METTL2A: variants seen among roughly 807,000 people sequenced by gnomAD.
The protein encoded by METTL2A is methyltransferase 2A, tRNA N3-cytidine, also known as tRNA N(3)-cytidine methyltransferase METTL2A.
METTL2A carries 45 observed loss-of-function variants against 49.4 expected under a neutral mutation model. The observed-to-expected ratio is 0.91, with a 90% CI of 0.72 to 1.17. The LOEUF is 1.17. METTL2A is among the 50% of genes most tolerant of loss of function. The probability of loss-of-function intolerance (pLI) is 0.00; values close to 1 mark genes in which losing one functional copy is unlikely to be tolerated. For missense variants in METTL2A, 361 were observed against 462.2 expected (o/e 0.78, Z 2.01); for synonymous variants, 118 against 167.5 (o/e 0.70, Z 2.28).
chr17:62,429,038 G>T (rs9906419), intron 4 of METTL2A, among the ~76,000 whole-genome samples: 1 of 152,084 alleles, frequency 6.6e-6, no homozygotes, highest in East Asian at 1.9e-4. Flanking sequence ...CTCTTGCCTC[G>T]GCCTCCCAAA....
intron 4 of METTL2A, 165 bp from the exon 5 acceptor site, chr17:62,435,067 A>C: frequency 1.8e-6 from 2 of 1,083,182 alleles, no homozygotes; most frequent in African/African-American, 1.6e-5. Flanking sequence ...GATATAATTC[A>C]AAAGGGATTT....
At position 62,444,837 on chromosome 17, in the gene METTL2A, G is replaced by T. The variant is rs1426661149; in HGVS notation, c.810G>T (p.Lys270Asn). ...ACCGTCATTCCCTGCTGCTCCACAGGATGCAGAAGGCTATCAACAGGCTGA... is the reference window on the plus strand; with the variant it reads ...ACCGTCATTCCCTGCTGCTCCACAGTATGCAGAAGGCTATCAACAGGCTGA... Reference protein sequence around the residue: ...IFVLSAIVPDKMQKAINRLSR... With the variant: ...IFVLSAIVPDNMQKAINRLSR... Residue 270 changes from lysine to asparagine, a missense_variant and splice_region_variant, in exon 7 of 9, where the codon AAG (lysine) becomes AAT (asparagine). Lys to Asn is a moderately conservative substitution (Grantham distance 94). Transcript: ENST00000311506. 6.2e-7 allele frequency: 1 copy of T among 1,613,780 alleles called. No homozygotes were observed. Among genetic ancestry groups the T allele is most frequent in the Non-Finnish European group, 8.5e-7 (1 of 1,179,858 alleles).
rs758646439 is a variant in METTL2A at position 62,424,298 on chromosome 17, C to A, written c.190C>A (p.Gln64Lys). The change falls in exon 2 of 9, where the codon CAG (glutamine) becomes AAG (lysine). Residue 64 changes from glutamine to lysine, a missense_variant. Gln to Lys is a moderately conservative substitution (Grantham distance 53, BLOSUM62 1). Around this residue, in one of 3 missense-constraint regions of METTL2A, gnomAD observed 150 missense variants for 170.1 expected, o/e 0.88. Coordinates refer to ENST00000311506, the MANE Select transcript of METTL2A (RefSeq NM_181725.4). ...VQENSIQRVC[Q>K]EKQVDYEINA... ...GGAGAACAGTATCCAGCGGGTGTGC[C>A]AGGAGAAACAAGGTGCGCTTAAATG... 23 of 1,613,804 alleles carry A rather than the reference C, an allele frequency of 1.4e-5. 1 individual carries two copies. In the Admixed American group the frequency reaches 3.8e-4, roughly 27 times the overall value.
intron 6 of METTL2A, among the ~76,000 whole-genome samples, 197 bp downstream of exon 6, chr17:62,440,953 G>T (rs1469921944): frequency 6.6e-6 from 1 of 152,104 alleles, no homozygotes. Flanking sequence ...CCACAGGCAC[G>T]TGCCACCAGT....
At chr17:62,424,659 T>C (rs1289280696) in intron 2 of METTL2A, among the ~76,000 whole-genome samples, 1 of 152,112 alleles carries the variant, frequency 6.6e-6, no homozygotes, top group Non-Finnish European at 1.5e-5. Flanking sequence ...GCATTTTCCA[T>C]GAGGAGATGT....
chr17:62,445,992 A>G (rs1237784457), intron 7 of METTL2A, among the ~76,000 whole-genome samples: 1 of 152,148 alleles, frequency 6.6e-6, no homozygotes, highest in African/African-American at 2.4e-5. Flanking sequence ...TGACCCACCC[A>G]AAAAACAGGC....
At chr17:62,434,038 A>C (rs1240560354) in intron 4 of METTL2A, among the ~76,000 whole-genome samples, 1 of 152,168 alleles carries the variant, frequency 6.6e-6, no homozygotes, top group Admixed American at 6.6e-5. Flanking sequence ...TGAGTCTGAT[A>C]GAACTTAGCC....
At chr17:62,438,800 G>C (rs1424540315) in intron 5 of METTL2A, among the ~76,000 whole-genome samples, 1 of 151,900 alleles carries the variant, frequency 6.6e-6, no homozygotes, top group African/African-American at 2.4e-5. Flanking sequence ...TTCTAGTTGG[G>C]AGTTGTTTTA....
At chr17:62,425,209 G>C (rs1401145804) in intron 2 of METTL2A, among the ~76,000 whole-genome samples, 5 of 151,514 alleles carry the variant, frequency 3.3e-5, no homozygotes, top group Non-Finnish European at 2.9e-5. Flanking sequence ...GGTGAGTTGT[G>C]AGTTGTTAAC....
At chr17:62,446,082 T>C (rs920243440) in intron 7 of METTL2A, among the ~76,000 whole-genome samples, 2 of 152,132 alleles carry the variant, frequency 1.3e-5, no homozygotes, top group Admixed American at 6.6e-5. Flanking sequence ...AAATAACGAG[T>C]TAGTACTTCC....
intron 5 of METTL2A, among the ~76,000 whole-genome samples, chr17:62,438,973 ATTTTTTTTT>A (rs1167283450): frequency 1.1e-5 from 1 of 93,562 alleles, no homozygotes; most frequent in African/African-American, 4.5e-5. Context: ...CACTTGGCTA[ATTTTTTTTT>A]TTTTTTTTTT....
At position 62,448,794 on chromosome 17, in the gene METTL2A, G is replaced by A; in HGVS notation, c.*65G>A. 5.0e-6 allele frequency: 8 copies of A among 1,596,112 alleles called. No homozygotes were observed. Among genetic ancestry groups the A allele is most frequent in the Non-Finnish European group, 6.8e-6 (8 of 1,170,064 alleles). On this transcript the variant is annotated 3_prime_UTR_variant, in exon 9 of 9. Coordinates refer to ENST00000311506, the MANE Select transcript of METTL2A (RefSeq NM_181725.4). ...TCCGGGCTTTTTTAAAAAAAAAATT[G>A]TAGCACTGGGCGTGGTGCATGCCTG...
intron 2 of METTL2A, 71 bp downstream of exon 2, chr17:62,424,381 A>G: frequency 1.3e-6 from 2 of 1,597,920 alleles, no homozygotes; most frequent in Admixed American, 1.8e-5. Context: ...CGGAGAGGCC[A>G]GGGAACCGCG....
chr17:62,450,857 GT>G lies in METTL2A; in HGVS notation c.*2133del, dbSNP rs542030581. Reference sequence around the variant, plus strand: ...GATGCCTAGCTTTCACCTTGTTGATGTTTTTCTAAATTTTGGAATAATAAAT... The same window carrying G: ...GATGCCTAGCTTTCACCTTGTTGATGTTTTCTAAATTTTGGAATAATAAAT... On this transcript the variant is annotated 3_prime_UTR_variant, in exon 9 of 9. Coordinates refer to ENST00000311506, the MANE Select transcript of METTL2A (RefSeq NM_181725.4). The G allele has an allele frequency of 1.3e-5, 2 of 152,050 alleles. No homozygotes were observed. The highest frequency in any genetic ancestry group is 2.9e-5 in the Non-Finnish European group (2 of 68,020). 9.4% of individuals were successfully genotyped at this position (152,050 alleles called of 1,614,324 possible).
At chr17:62,427,479 A>G (rs368637458) in intron 3 of METTL2A, among the ~76,000 whole-genome samples, 3 of 152,216 alleles carry the variant, frequency 2.0e-5, no homozygotes, top group Admixed American at 6.5e-5. Flanking sequence ...CAATAATAAT[A>G]TAAGCTCAGT....
intron 5 of METTL2A, among the ~76,000 whole-genome samples, chr17:62,438,954 A>G (rs146613973): frequency 0.066 from 9,631 of 145,908 alleles, 431 homozygotes; most frequent in South Asian, 0.24. Context: ...CTATGGGCAC[A>G]TGCCACCACA....
At chr17:62,435,204 A>C (rs368885838) in intron 4 of METTL2A, 28 bp from the exon 5 acceptor site, 6 of 1,613,646 alleles carry the variant, frequency 3.7e-6, no homozygotes, top group Non-Finnish European at 2.5e-6. Context: ...TTGTAGTCTC[A>C]TTGTTCTGTC....
At chr17:62,444,575 C>CG (rs1278825551) in intron 6 of METTL2A, among the ~76,000 whole-genome samples, 1 of 152,192 alleles carries the variant, frequency 6.6e-6, no homozygotes, top group Non-Finnish European at 1.5e-5. Context: ...CCACCGCACC[C>CG]GGCCAGGAGC....
intron 8 of METTL2A, 118 bp downstream of exon 8, chr17:62,447,884 T>C (rs1481650805): frequency 8.4e-6 from 13 of 1,551,786 alleles, no homozygotes; most frequent in Non-Finnish European, 1.0e-5. Flanking sequence ...GGCTGTTTCC[T>C]GCGGTTCCCT....
Sources: gnomAD v4.1 joint callset for allele counts (sites outside exome capture counted in the v4.1 genomes callset) on GRCh38, gnomAD v4.1.1 for gene constraint, gnomAD v4.1.1 regional missense constraint, MANE v1.5 for transcripts, NCBI Gene and HGNC (gene_info 2026-07-23, HGNC 2026-07-21) for gene names.